Variants in TENM1 observed in about 807,000 individuals in gnomAD.
TENM1 encodes teneurin transmembrane protein 1, also known as teneurin-1.
In TENM1, 35 loss-of-function variants were observed where a neutral mutation model predicts 174.8. The observed-to-expected ratio is 0.20, with a 90% CI of 0.15 to 0.27. TENM1 has a LOEUF of 0.27. Among genes scored for constraint, TENM1 ranks in the 10% least tolerant of loss-of-function variants. The pLI is 1.00. For synonymous variants in TENM1, 781 were observed against 798.7 expected (o/e 0.98, Z 0.37); for missense variants, 1,633 against 2,130.1 (o/e 0.77, Z 4.59).
the TENM1 span, among the ~76,000 whole-genome samples, chrX:125,001,852 T>TACATAC: frequency 1.2e-5 from 1 of 84,926 alleles, no homozygotes; most frequent in Non-Finnish European, 2.3e-5. Flanking sequence ...TATAGATAGA[T>TACATAC]ACACACACAC....
intron 25 of TENM1, among the ~76,000 whole-genome samples, chrX:124,416,326 C>T: frequency 8.9e-6 from 1 of 111,900 alleles, no homozygotes; most frequent in Non-Finnish European, 1.9e-5. Flanking sequence ...TTCTAGACAT[C>T]TCATATAAAT....
chrX:125,056,672 G>A, the TENM1 span, among the ~76,000 whole-genome samples: 1 of 111,059 alleles, frequency 9.0e-6, no homozygotes, highest in Non-Finnish European at 1.9e-5. Flanking sequence ...CAGAACAGCA[G>A]AACTCTGAAA....
the TENM1 span, among the ~76,000 whole-genome samples, chrX:125,194,900 T>A: frequency 8.9e-6 from 1 of 112,101 alleles, no homozygotes; most frequent in Admixed American, 9.5e-5. Flanking sequence ...AATAACTGAC[T>A]ATTTATAAAA....
intron 15 of TENM1, among the ~76,000 whole-genome samples, chrX:124,539,971 A>C (rs2048284407): frequency 8.9e-6 from 1 of 111,912 alleles, no homozygotes; most frequent in South Asian, 3.7e-4. Context: ...ATTTGCCAGA[A>C]TACTTCTTGT....
At chrX:124,388,547 T>A (rs1841968913) in intron 28 of TENM1, among the ~76,000 whole-genome samples, 1 of 112,634 alleles carries the variant, frequency 8.9e-6, no homozygotes, top group Non-Finnish European at 1.9e-5. Context: ...TATGAATCTA[T>A]CCAATGTCCA....
the TENM1 span, among the ~76,000 whole-genome samples, chrX:125,103,497 T>C: frequency 4.5e-5 from 5 of 111,594 alleles, no homozygotes; most frequent in East Asian, 2.8e-4. Flanking sequence ...GGTTCTATTT[T>C]ATTAAAATTT....
chrX:124,471,314 TATATATTATA>T (rs1334376203), intron 22 of TENM1, among the ~76,000 whole-genome samples: 9 of 28,048 alleles, frequency 3.2e-4, no homozygotes, highest in East Asian at 2.5e-3. Flanking sequence ...TATATAGTAC[TATATATTATA>T]ATATATAGTA....
chrX:124,933,195 A>T (rs757989146), intron 1 of TENM1, among the ~76,000 whole-genome samples: 145 of 112,202 alleles, frequency 1.3e-3, no homozygotes, highest in African/African-American at 4.4e-3. Context: ...ATGCTGGGGT[A>T]GCAGTATTAA....
chrX:124,978,206 C>G, the TENM1 span, among the ~76,000 whole-genome samples: 1 of 111,115 alleles, frequency 9.0e-6, no homozygotes, highest in Admixed American at 9.6e-5. Context: ...CTACTTCTTT[C>G]TTGAAAATCA....
intron 3 of TENM1, among the ~76,000 whole-genome samples, chrX:124,875,415 A>ATT (rs759796281): frequency 1.9e-5 from 2 of 104,673 alleles, no homozygotes; most frequent in African/African-American, 6.9e-5. Context: ...TTGGTCTTAG[A>ATT]TTTTTTTTTT....
rs142378669 is a variant in TENM1, at chrX:124,461,655, C to G, written c.3950-8164G>C. Among the ~76,000 whole-genome samples the G allele has an allele frequency of 6.0e-3, 666 of 111,551 alleles. 1 individual carries two copies. Among genetic ancestry groups the G allele is most frequent in the Non-Finnish European group, 9.2e-3 (489 of 53,061 alleles). On this transcript the variant is annotated intron_variant, in intron 22 of 31. Transcript: ENST00000422452. ...GTGAAATAAGTCAAGCACAGAAACACAAATATCACATGTTCTCACTGATAC... is the reference window on the plus strand; with the variant it reads ...GTGAAATAAGTCAAGCACAGAAACAGAAATATCACATGTTCTCACTGATAC...
chrX:124,887,239 T>C (rs2057405297), intron 3 of TENM1, among the ~76,000 whole-genome samples: 1 of 110,685 alleles, frequency 9.0e-6, no homozygotes, highest in South Asian at 3.8e-4. Flanking sequence ...CTAAAAAAAA[T>C]AACACATATA....
intron 3 of TENM1, among the ~76,000 whole-genome samples, chrX:124,842,058 G>T (rs185515705): frequency 9.0e-6 from 1 of 111,426 alleles, no homozygotes; most frequent in African/African-American, 3.3e-5. Flanking sequence ...CCAGGACTGG[G>T]TATAGGCAAA....
intron 4 of TENM1, among the ~76,000 whole-genome samples, chrX:124,736,675 T>C (rs1158808701): frequency 8.9e-6 from 1 of 112,159 alleles, no homozygotes; most frequent in African/African-American, 3.2e-5. Context: ...TTGTTTTATG[T>C]TTTTGTGGAT....
chrX:124,835,737 A>T (rs1258372163), intron 3 of TENM1, among the ~76,000 whole-genome samples: 2 of 111,673 alleles, frequency 1.8e-5, no homozygotes, highest in Non-Finnish European at 3.8e-5. Flanking sequence ...TTCATAAATG[A>T]TTCAAGTTAA....
At chrX:124,606,436 C>T (rs771760698) in intron 11 of TENM1, among the ~76,000 whole-genome samples, 1 of 111,580 alleles carries the variant, frequency 9.0e-6, no homozygotes, top group East Asian at 2.8e-4. Context: ...TAAGAAGATT[C>T]TAGTCCTCAT....
At chrX:125,167,228 A>G in the TENM1 span, among the ~76,000 whole-genome samples, 1 of 111,880 alleles carries the variant, frequency 8.9e-6, no homozygotes, top group African/African-American at 3.2e-5. Flanking sequence ...AAATGTTCAC[A>G]TCATTACAAT....
rs184048715 is a variant in TENM1 at position 124,470,106 on chromosome X, C to T, written c.3949+11626G>A. On this transcript the variant is annotated intron_variant, in intron 22 of 31. Transcript: ENST00000422452. ...GACAATTTGGCAATATCTACTACTG[C>T]TAAAAATTAACCCTATGTATATACT... Among the ~76,000 whole-genome samples, 511 of 111,330 alleles carry T rather than the reference C, an allele frequency of 4.6e-3. 3 individuals carry two copies. Among genetic ancestry groups the T allele is most frequent in the African/African-American group, 0.016 (491 of 30,615 alleles).
intron 3 of TENM1, among the ~76,000 whole-genome samples, chrX:124,888,116 C>T (rs2057418312): frequency 9.0e-6 from 1 of 111,422 alleles, no homozygotes; most frequent in African/African-American, 3.3e-5. Flanking sequence ...TTCACAACTC[C>T]AGCGGTTTCC....
Sources: gnomAD v4.1 joint callset for allele counts (sites outside exome capture counted in the v4.1 genomes callset) on GRCh38, gnomAD v4.1.1 for gene constraint, MANE v1.5 for transcripts, NCBI Gene and HGNC (gene_info 2026-07-23, HGNC 2026-07-21) for gene names.